Variants in DSN1 observed in about 807,000 individuals in gnomAD.
DSN1 encodes kinetochore-associated protein DSN1 homolog.
In DSN1, 31 loss-of-function variants were observed where a neutral mutation model predicts 45.7. That is an observed-to-expected ratio of 0.68 (90% CI 0.51 to 0.92). The LOEUF is 0.92. Ranked by LOEUF, DSN1 falls within the 40% of genes least tolerant of loss-of-function variation. The pLI is 0.00. For synonymous variants in DSN1, 134 were observed against 142.3 expected (o/e 0.94, Z 0.41); for missense variants, 394 against 414.2 (o/e 0.95, Z 0.42).
chr20:36,754,359 TAGA>T (rs774045134), intron 10 of DSN1, among the ~76,000 whole-genome samples: 11 of 151,168 alleles, frequency 7.3e-5, no homozygotes, highest in Admixed American at 1.3e-4. Context: ...AAAAAAAAAG[TAGA>T]AGAAGAAAGA....
At position 36,762,402 on chromosome 20, in the gene DSN1, C is replaced by A. The variant is rs1470226235; in HGVS notation, c.590+59G>T. 7 of 1,503,042 alleles carry A rather than the reference C, an allele frequency of 4.7e-6. No individual in the cohort carries two copies. In the South Asian group the frequency reaches 6.1e-5, roughly 13 times the overall value. The allele number at this position is 1,503,042 out of a possible 1,614,324, so 93.1% of individuals were successfully genotyped here. ...TGGGATTACAGGCCTGAGCCACCAACGCCCGGCCTAAAGTCCTAATTCAAT... is the reference window on the plus strand; with the variant it reads ...TGGGATTACAGGCCTGAGCCACCAAAGCCCGGCCTAAAGTCCTAATTCAAT... On this transcript the variant is annotated intron_variant, in intron 6 of 10. Transcript: ENST00000373750.
chr20:36,765,815 C>A (rs1987295062), intron 5 of DSN1, among the ~76,000 whole-genome samples: 4 of 129,382 alleles, frequency 3.1e-5, no homozygotes, highest in South Asian at 2.6e-4. Context: ...AAAAAAAATT[C>A]ATTACATTAT....
chr20:36,768,873 CTG>C (rs894328848), intron 3 of DSN1, among the ~76,000 whole-genome samples: 3 of 152,316 alleles, frequency 2.0e-5, no homozygotes, highest in Non-Finnish European at 4.4e-5. Context: ...TCACCGATAT[CTG>C]TGTTTTTCCC....
intron 3 of DSN1, among the ~76,000 whole-genome samples, chr20:36,768,525 G>A (rs145454865): frequency 1.6e-3 from 243 of 152,306 alleles, no homozygotes; most frequent in African/African-American, 5.6e-3. Context: ...ACAGGCATGC[G>A]CCACCACACC....
In DSN1 at chr20:36,771,062, C is replaced by G; in HGVS notation, c.166G>C (p.Gly56Arg). ...TTTCCCCCTTTTTTAGGGCTAGAGC[C>G]AAGGTGAATTCTTTCCTCTGAAACG... is the stretch of plus-strand genomic sequence containing the variant. Reference protein sequence around the residue: ...QGVSEERIHLGSSPKKGGNCD... With the variant: ...QGVSEERIHLRSSPKKGGNCD... Residue 56 changes from glycine to arginine, a missense_variant, in exon 3 of 11, where the codon GGC becomes CGC. By Grantham distance (125) the Gly-to-Arg change is moderately radical. Coordinates refer to ENST00000373750, the MANE Select transcript of DSN1 (RefSeq NM_001145315.2). 1 of 1,614,164 alleles carries G rather than the reference C, an allele frequency of 6.2e-7. No homozygotes were observed. Among genetic ancestry groups the G allele is most frequent in the South Asian group, 1.1e-5 (1 of 91,080 alleles).
At chr20:36,759,534 A>G (rs1237755080) in intron 6 of DSN1, among the ~76,000 whole-genome samples, 1 of 151,954 alleles carries the variant, frequency 6.6e-6, no homozygotes, top group Non-Finnish European at 1.5e-5. Flanking sequence ...CCCAGGCTGG[A>G]GTGCAGTGGC....
chr20:36,762,678 A>C (rs768183640), intron 5 of DSN1, 130 bp from the exon 6 acceptor site: 5 of 657,050 alleles, frequency 7.6e-6, no homozygotes, highest in South Asian at 2.3e-5. Context: ...AGCCCACCCA[A>C]AAGTGTGGAG....
intron 6 of DSN1, among the ~76,000 whole-genome samples, 186 bp from the exon 7 acceptor site, chr20:36,758,803 T>A (rs1278518110): frequency 1.3e-5 from 2 of 152,208 alleles, no homozygotes; most frequent in Non-Finnish European, 2.9e-5. Context: ...TTCTCCTGCC[T>A]TAGCCTCCAG....
chr20:36,762,406 C>T (rs1008681177), intron 6 of DSN1, 55 bp downstream of exon 6: 10 of 1,526,870 alleles, frequency 6.5e-6, no homozygotes, highest in African/African-American at 2.8e-5. Context: ...CACCAACGCC[C>T]GGCCTAAAGT....
intron 10 of DSN1, among the ~76,000 whole-genome samples, chr20:36,753,635 C>CAAAAAAAA (rs1290145844): frequency 2.0e-5 from 1 of 49,898 alleles, no homozygotes; most frequent in African/African-American, 7.2e-5. Flanking sequence ...GAGACTGTCT[C>CAAAAAAAA]AAAAAAAAAA....
chr20:36,771,296 C>T, intron 2 of DSN1, 103 bp from the exon 3 acceptor site: 1 of 1,483,048 alleles, frequency 6.7e-7, no homozygotes, highest in South Asian at 1.3e-5. Flanking sequence ...ATCGTGGAAA[C>T]ATAAAGAAAG....
intron 5 of DSN1, among the ~76,000 whole-genome samples, chr20:36,763,614 C>A (rs6072131): frequency 6.6e-6 from 1 of 151,190 alleles, no homozygotes; most frequent in Admixed American, 6.6e-5. Flanking sequence ...CCAGGCTGGG[C>A]GCAGTGGCTC....
chr20:36,771,560 T>C, intron 1 of DSN1, 87 bp from the exon 2 acceptor site: 2 of 1,302,476 alleles, frequency 1.5e-6, no homozygotes, highest in Non-Finnish European at 2.2e-6. Context: ...AAATAGGCCG[T>C]GTGCTTTCCA....
rs141160975 is a variant in DSN1, at chr20:36,770,917, G to A, written c.311C>T (p.Thr104Met). ...QSWRRASMKE[T>M]NRRKSLHPIH... ...GGGATGCAGCGACTTCCGCCGGTTCGTTTCTTTCATACTTGCTCGCCGCCA... is the reference window on the plus strand; with the variant it reads ...GGGATGCAGCGACTTCCGCCGGTTCATTTCTTTCATACTTGCTCGCCGCCA... The change falls in exon 3 of 11, where the codon ACG becomes ATG. Residue 104 changes from threonine to methionine, a missense_variant. By Grantham distance (81) the Thr-to-Met change is moderately conservative (BLOSUM62 -1). Transcript: ENST00000373750. The A allele has an allele frequency of 1.8e-4, 298 of 1,613,750 alleles. No homozygotes were observed. The highest frequency in any genetic ancestry group is 2.3e-4 in the Non-Finnish European group (276 of 1,180,028).
chr20:36,753,264 CAG>C (rs1340326979), intron 10 of DSN1, among the ~76,000 whole-genome samples: 2 of 150,650 alleles, frequency 1.3e-5, no homozygotes, highest in African/African-American at 2.4e-5. Flanking sequence ...CCTGGGAGCC[CAG>C]AAAGTTGAGG....
At chr20:36,756,073 C>T (rs568515324) in intron 8 of DSN1, among the ~76,000 whole-genome samples, 33 of 152,062 alleles carry the variant, frequency 2.2e-4, no homozygotes, top group African/African-American at 7.5e-4. Flanking sequence ...CTCTGCCTCC[C>T]GGGTTCAAGC....
chr20:36,756,395 CAGA>C (rs1220433680), intron 8 of DSN1, among the ~76,000 whole-genome samples: 1 of 152,092 alleles, frequency 6.6e-6, no homozygotes, highest in East Asian at 1.9e-4. Flanking sequence ...GTCCATATAC[CAGA>C]AGGACTATAC....
chr20:36,771,326 T>C (rs1428268215), intron 2 of DSN1, 99 bp downstream of exon 2: 3 of 1,490,588 alleles, frequency 2.0e-6, no homozygotes, highest in African/African-American at 1.4e-5. Context: ...AAATAATGAG[T>C]ATGTGATTCC....
chr20:36,762,946 G>A (rs1987080543), intron 5 of DSN1, among the ~76,000 whole-genome samples: 1 of 152,108 alleles, frequency 6.6e-6, no homozygotes, highest in African/African-American at 2.4e-5. Flanking sequence ...TGGAAATGGG[G>A]TTTTACCATG....
Sources: gnomAD v4.1 joint callset for allele counts (sites outside exome capture counted in the v4.1 genomes callset) on GRCh38, gnomAD v4.1.1 for gene constraint, MANE v1.5 for transcripts, NCBI Gene and HGNC (gene_info 2026-07-23, HGNC 2026-07-21) for gene names.